Variants in SLC35D4 observed in about 807,000 individuals in gnomAD.
SLC35D4 encodes the protein UDP-N-acetylglucosamine transporter SLC35D4.
At chr18:23,245,124 T>G in the SLC35D4 span, among the ~76,000 whole-genome samples, 1 of 152,150 alleles carries the variant, frequency 6.6e-6, no homozygotes, top group Non-Finnish European at 1.5e-5. Flanking sequence ...TTCACAGCAT[T>G]GTTACCGTGG....
At chr18:23,341,546 A>G in the SLC35D4 span, among the ~76,000 whole-genome samples, 1 of 152,198 alleles carries the variant, frequency 6.6e-6, no homozygotes, top group Non-Finnish European at 1.5e-5. Context: ...GCACCACTGA[A>G]ACATCCTTCT....
the SLC35D4 span, among the ~76,000 whole-genome samples, chr18:23,275,651 G>A: frequency 6.9e-6 from 1 of 144,868 alleles, no homozygotes; most frequent in African/African-American, 2.5e-5. Context: ...GCTGTGCTGT[G>A]CTGTGCTTTG....
the SLC35D4 span, among the ~76,000 whole-genome samples, chr18:23,363,073 C>T: frequency 1.3e-5 from 2 of 151,500 alleles, no homozygotes; most frequent in Non-Finnish European, 2.9e-5. Context: ...GGTGAAACTC[C>T]GTCTCTACTA....
At chr18:23,397,763 A>C in the SLC35D4 span, among the ~76,000 whole-genome samples, 1 of 152,198 alleles carries the variant, frequency 6.6e-6, no homozygotes, top group Non-Finnish European at 1.5e-5. Context: ...GAGTTAGAAG[A>C]GCTGCCATGC....
the SLC35D4 span, among the ~76,000 whole-genome samples, chr18:23,377,156 C>T: frequency 5.3e-5 from 8 of 152,134 alleles, no homozygotes; most frequent in Non-Finnish European, 8.8e-5. Context: ...CATGACAGGA[C>T]GGCCCAGTTT....
the SLC35D4 span, among the ~76,000 whole-genome samples, chr18:23,424,686 C>A: frequency 6.5e-3 from 996 of 152,258 alleles, 9 homozygotes; most frequent in African/African-American, 0.023. Context: ...GACTAAAATA[C>A]CCGTAATCAC....
chr18:23,311,459 G>A, the SLC35D4 span, among the ~76,000 whole-genome samples: 8 of 151,874 alleles, frequency 5.3e-5, no homozygotes, highest in South Asian at 1.3e-3. Flanking sequence ...AAATGAAGTG[G>A]ACTAAAATGT....
the SLC35D4 span, among the ~76,000 whole-genome samples, chr18:23,377,901 G>C: frequency 6.6e-6 from 1 of 152,054 alleles, no homozygotes; most frequent in Non-Finnish European, 1.5e-5. Flanking sequence ...CCATTAGAAT[G>C]ATGTTTACTC....
the SLC35D4 span, among the ~76,000 whole-genome samples, chr18:23,431,655 G>A: frequency 6.6e-6 from 1 of 151,954 alleles, no homozygotes; most frequent in Non-Finnish European, 1.5e-5. Context: ...AGGAGTCATA[G>A]TTTTTGCTGT....
chr18:23,299,264 A>G, the SLC35D4 span, among the ~76,000 whole-genome samples: 3 of 152,088 alleles, frequency 2.0e-5, no homozygotes, highest in South Asian at 6.2e-4. Context: ...ATCAGCAGCA[A>G]CCCACCCCTG....
the SLC35D4 span, among the ~76,000 whole-genome samples, chr18:23,250,675 C>T: frequency 6.6e-6 from 1 of 152,164 alleles, no homozygotes; most frequent in East Asian, 1.9e-4. Flanking sequence ...CTTTCCTGGT[C>T]CTTGCAGGGC....
At chr18:23,241,258 C>T in the SLC35D4 span, among the ~76,000 whole-genome samples, 1 of 151,844 alleles carries the variant, frequency 6.6e-6, no homozygotes, top group Non-Finnish European at 1.5e-5. Flanking sequence ...CAGTGGATCA[C>T]GCCTATAAAT....
chr18:23,320,712 T>C, the SLC35D4 span, among the ~76,000 whole-genome samples: 1 of 152,236 alleles, frequency 6.6e-6, no homozygotes. Context: ...ACCTCTATTT[T>C]ATCTAGTCCC....
the SLC35D4 span, among the ~76,000 whole-genome samples, chr18:23,381,018 G>A: frequency 6.6e-6 from 1 of 152,240 alleles, no homozygotes; most frequent in African/African-American, 2.4e-5. Context: ...TGGCGTGCAA[G>A]TGTGTTCCTT....
At chr18:23,427,448 G>GGCCATCAGAGAAATA in the SLC35D4 span, among the ~76,000 whole-genome samples, 2 of 151,566 alleles carry the variant, frequency 1.3e-5, no homozygotes, top group Non-Finnish European at 2.9e-5. Context: ...TCAGAGAAAT[G>GGCCATCAGAGAAATA]CAAATCAAAA....
chr18:23,396,880 G>A, the SLC35D4 span, among the ~76,000 whole-genome samples: 1 of 149,842 alleles, frequency 6.7e-6, no homozygotes, highest in Non-Finnish European at 1.5e-5. Context: ...AAAAAAGCCA[G>A]CTCAATTAAA....
chr18:23,434,500 T>A, the SLC35D4 span, among the ~76,000 whole-genome samples: 1 of 152,172 alleles, frequency 6.6e-6, no homozygotes, highest in Non-Finnish European at 1.5e-5. Flanking sequence ...TTTATTAAAT[T>A]TGTTGGCTGG....
the SLC35D4 span, among the ~76,000 whole-genome samples, chr18:23,324,362 G>A: frequency 6.6e-6 from 1 of 152,186 alleles, no homozygotes; most frequent in Non-Finnish European, 1.5e-5. Flanking sequence ...TTTGTCATGG[G>A]AATCGAGCTA....
At chr18:23,273,602 G>A in the SLC35D4 span, among the ~76,000 whole-genome samples, 5 of 148,280 alleles carry the variant, frequency 3.4e-5, no homozygotes, top group African/African-American at 1.3e-4. Context: ...CCTGTTCTGT[G>A]ACTTCCTGAA....
Sources: allele counts gnomAD v4.1 joint callset (sites outside exome capture counted in the v4.1 genomes callset), GRCh38; gene constraint gnomAD v4.1.1; transcripts MANE v1.5; gene names NCBI Gene and HGNC (gene_info 2026-07-23, HGNC 2026-07-21).